The following FBXL17 variants were observed in gnomAD, a reference collection of about 807,000 sequenced individuals.
FBXL17 encodes F-box/LRR-repeat protein 17.
A neutral mutation model predicts 66.2 loss-of-function variants in FBXL17; 22 were observed. The observed-to-expected ratio is 0.33, with a 90% CI of 0.24 to 0.47. The LOEUF (loss-of-function observed/expected upper bound fraction) is 0.47, where lower values mean the gene tolerates loss of function less well. FBXL17 is among the 20% of genes least tolerant of loss of function. The pLI, the probability that FBXL17 is intolerant of heterozygous loss-of-function variation, is 1.00. For synonymous variants in FBXL17, 474 were observed against 400.5 expected (o/e 1.18, Z -2.19); for missense variants, 878 against 948.2 (o/e 0.93, Z 0.97).
intron 6 of FBXL17, among the ~76,000 whole-genome samples, chr5:108,124,565 A>G (rs983559664): frequency 1.3e-5 from 2 of 152,144 alleles, no homozygotes; most frequent in Admixed American, 6.5e-5. Flanking sequence ...ACAATATGCA[A>G]TAGTACTGAA....
intron 7 of FBXL17, among the ~76,000 whole-genome samples, chr5:107,888,960 T>C (rs1431626811): frequency 1.3e-5 from 2 of 152,226 alleles, no homozygotes; most frequent in Non-Finnish European, 2.9e-5. Flanking sequence ...CCCACCAGTA[T>C]GTATGTAAGG....
chr5:108,340,586 A>T (rs572994441), intron 4 of FBXL17, among the ~76,000 whole-genome samples: 3 of 152,286 alleles, frequency 2.0e-5, no homozygotes, highest in African/African-American at 7.2e-5. Context: ...TACATTAGTG[A>T]CTTTGGCTGG....
chr5:108,107,608 T>A, intron 6 of FBXL17, among the ~76,000 whole-genome samples: 1 of 151,578 alleles, frequency 6.6e-6, no homozygotes. Flanking sequence ...GTCAGGAGAT[T>A]GAGATCATCC....
At chr5:107,957,631 T>C (rs558062145) in intron 7 of FBXL17, among the ~76,000 whole-genome samples, 1 of 152,268 alleles carries the variant, frequency 6.6e-6, no homozygotes, top group East Asian at 1.9e-4. Context: ...CTAAAACACC[T>C]ATACAGTTCT....
At chr5:107,866,979 T>C (rs1232578607) in intron 8 of FBXL17, among the ~76,000 whole-genome samples, 3 of 152,170 alleles carry the variant, frequency 2.0e-5, no homozygotes, top group African/African-American at 2.4e-5. Context: ...ACATAGTATA[T>C]ACTCAATAAA....
intron 6 of FBXL17, among the ~76,000 whole-genome samples, chr5:108,033,955 GA>G (rs1378129294): frequency 2.0e-5 from 3 of 151,998 alleles, no homozygotes; most frequent in Non-Finnish European, 4.4e-5. Context: ...CCTGAATTTT[GA>G]AAAAGTGTAC....
intron 4 of FBXL17, among the ~76,000 whole-genome samples, chr5:108,269,404 T>C (rs534708746): frequency 3.4e-4 from 52 of 152,132 alleles, no homozygotes; most frequent in African/African-American, 1.3e-3. Flanking sequence ...GACACCATTA[T>C]CTCTAAGGGT....
chr5:108,093,784 G>A (rs956596957), intron 6 of FBXL17, among the ~76,000 whole-genome samples: 10 of 152,086 alleles, frequency 6.6e-5, no homozygotes, highest in Admixed American at 4.6e-4. Context: ...TTAACTCAGC[G>A]GGGTGTCTAT....
At chr5:108,086,516 C>T (rs995626476) in intron 6 of FBXL17, among the ~76,000 whole-genome samples, 4 of 152,098 alleles carry the variant, frequency 2.6e-5, no homozygotes, top group South Asian at 2.1e-4. Context: ...TGTTTTTTCT[C>T]GTGTTAACCT....
At chr5:108,368,091 C>T (rs1748788238) in intron 1 of FBXL17, 138 bp from the exon 2 acceptor site, 6 of 748,516 alleles carry the variant, frequency 8.0e-6, no homozygotes, top group African/African-American at 1.8e-5. Context: ...TGTAAGTCAC[C>T]GTAAGAGATC....
chr5:107,896,569 T>A (rs986215849), intron 7 of FBXL17, among the ~76,000 whole-genome samples: 2 of 152,162 alleles, frequency 1.3e-5, no homozygotes, highest in African/African-American at 2.4e-5. Flanking sequence ...GCAGTTCTTG[T>A]CTATTTTTTT....
intron 7 of FBXL17, among the ~76,000 whole-genome samples, chr5:107,928,266 G>GA (rs1401632072): frequency 2.0e-5 from 3 of 152,026 alleles, no homozygotes; most frequent in South Asian, 2.1e-4. Context: ...GAGGCAGTGA[G>GA]AAAAAAGACT....
chr5:107,859,246 C>G lies in FBXL17; in HGVS notation c.*2474G>C, dbSNP rs1400169538. The G allele has an allele frequency of 6.6e-6, 1 of 151,928 alleles. No homozygotes were observed. Among genetic ancestry groups the G allele is most frequent in the Non-Finnish European group, 1.5e-5 (1 of 67,988 alleles). The allele number at this position is 151,928 out of a possible 1,614,324, so 9.4% of individuals were successfully genotyped here. A position where few individuals can be genotyped will look rare whatever the true frequency, so the allele number is the denominator to read the frequency against. On this transcript the variant is annotated 3_prime_UTR_variant, in exon 9 of 9. Coordinates refer to ENST00000542267, the MANE Select transcript of FBXL17 (RefSeq NM_001163315.3). ...TAAAAAGCCCTGCATTAAACGTGTT[C>G]ACATGTATTTATGACATTCTAAGCA...
At chr5:108,285,965 C>G (rs1757883168) in intron 4 of FBXL17, among the ~76,000 whole-genome samples, 1 of 151,798 alleles carries the variant, frequency 6.6e-6, no homozygotes, top group South Asian at 2.1e-4. Flanking sequence ...GTTATTTATC[C>G]TTGGGATGCA....
At chr5:107,903,429 G>A (rs1037014646) in intron 7 of FBXL17, among the ~76,000 whole-genome samples, 1 of 152,144 alleles carries the variant, frequency 6.6e-6, no homozygotes, top group Non-Finnish European at 1.5e-5. Context: ...AAGCCACACG[G>A]AAATGCTGTT....
At chr5:108,087,479 C>T (rs1749017133) in intron 6 of FBXL17, among the ~76,000 whole-genome samples, 1 of 151,964 alleles carries the variant, frequency 6.6e-6, no homozygotes, top group Non-Finnish European at 1.5e-5. Context: ...CTTGAGGGCT[C>T]CTGTTGGGTT....
intron 7 of FBXL17, among the ~76,000 whole-genome samples, chr5:107,917,758 G>A (rs570784442): frequency 1.8e-4 from 28 of 152,232 alleles, no homozygotes; most frequent in Middle Eastern, 3.4e-3. Flanking sequence ...AACCAGTTCC[G>A]TTTTAAGTGC....
chr5:108,374,533 G>A (rs1267358156), intron 1 of FBXL17, among the ~76,000 whole-genome samples: 4 of 152,050 alleles, frequency 2.6e-5, no homozygotes, highest in Admixed American at 2.6e-4. Context: ...AATTAGCCGG[G>A]CGTGGTGGCA....
intron 6 of FBXL17, among the ~76,000 whole-genome samples, chr5:108,068,563 C>A (rs764870343): frequency 6.6e-6 from 1 of 152,018 alleles, no homozygotes; most frequent in Non-Finnish European, 1.5e-5. Flanking sequence ...TCAAGCGATT[C>A]TCCCACCTCA....
Sources: allele counts gnomAD v4.1 joint callset (sites outside exome capture counted in the v4.1 genomes callset), GRCh38; gene constraint gnomAD v4.1.1; transcripts MANE v1.5; gene names NCBI Gene and HGNC (gene_info 2026-07-23, HGNC 2026-07-21).